ZCCHC2: variants seen among roughly 807,000 people sequenced by gnomAD.
ZCCHC2 encodes zinc finger CCHC-type containing 2.
ZCCHC2 carries 39 observed loss-of-function variants against 103.6 expected under a neutral mutation model. The ratio of observed to expected loss-of-function variants is 0.38; its 90% CI spans 0.29 to 0.49. The LOEUF is 0.49. Ranked by LOEUF, ZCCHC2 falls within the 20% of genes least tolerant of loss-of-function variation. The pLI, the probability that ZCCHC2 is intolerant of heterozygous loss-of-function variation, is 0.96. For missense variants in ZCCHC2, 1,483 were observed against 1,491.0 expected (o/e 0.99, Z 0.09); for synonymous variants, 687 against 608.9 (o/e 1.13, Z -1.89).
chr18:62,525,473 G>A (rs981824090), intron 1 of ZCCHC2: 2 of 151,956 alleles, frequency 1.3e-5, no homozygotes, highest in African/African-American at 4.8e-5. Context: ...ATGGAAAAGG[G>A]GATTTTCTCC....
intron 11 of ZCCHC2, 30 bp from the exon 12 acceptor site, chr18:62,570,073 G>A: frequency 6.5e-7 from 1 of 1,540,874 alleles, no homozygotes; most frequent in Non-Finnish European, 8.7e-7. Flanking sequence ...GACTTAACAT[G>A]ATTTTTTAAA....
At chr18:62,580,150 C>G (rs1917004248), downstream of ZCCHC2, among the ~76,000 whole-genome samples, 1 of 152,186 alleles carries the variant, frequency 6.6e-6, no homozygotes, top group South Asian at 2.1e-4. Flanking sequence ...GTGCCTGGCT[C>G]TGTTCATCTG....
At chr18:62,539,489 A>G (rs139241555) in intron 1 of ZCCHC2, 192 bp from the exon 2 acceptor site, 62 of 488,042 alleles carry the variant, frequency 1.3e-4, no homozygotes, top group African/African-American at 8.4e-4. Context: ...AGGACAGTCA[A>G]TAATTAATAG....
At position 62,576,878 on chromosome 18, in the gene ZCCHC2, T is replaced by C. The variant is rs1221253725; in HGVS notation, c.*299T>C. 3.9e-6 allele frequency: 1 copy of C among 254,446 alleles called. No homozygotes were observed. Among genetic ancestry groups the C allele is most frequent in the Non-Finnish European group, 7.6e-6 (1 of 131,462 alleles). The allele number at this position is 254,446 out of a possible 1,614,324, so 15.8% of individuals were successfully genotyped here. On this transcript the variant is annotated 3_prime_UTR_variant, in exon 14 of 14. Coordinates refer to ENST00000269499, the MANE Select transcript of ZCCHC2 (RefSeq NM_017742.6). Reference sequence around the variant, plus strand: ...TTTTTTTTACACTGAATACTTGCTGTGTGCAATGTTTACTGAATCTTTAAA... The same window carrying C: ...TTTTTTTTACACTGAATACTTGCTGCGTGCAATGTTTACTGAATCTTTAAA...
downstream of ZCCHC2, among the ~76,000 whole-genome samples, chr18:62,580,637 ACGG>A (rs1285193239): frequency 5.4e-4 from 2 of 3,708 alleles, no homozygotes; most frequent in Admixed American, 4.8e-3. Flanking sequence ...CCCTCCCGAG[ACGG>A]TGTCACAGTG....
In ZCCHC2 at chr18:62,576,663, T is replaced by A; in HGVS notation, c.*84T>A. The A allele has an allele frequency of 7.6e-7, 1 of 1,314,684 alleles. No homozygotes were observed. The highest frequency in any genetic ancestry group is 1.1e-6 in the Non-Finnish European group (1 of 933,866). The allele number at this position is 1,314,684 out of a possible 1,614,324, so 81.4% of individuals were successfully genotyped here. A position where few individuals can be genotyped will look rare whatever the true frequency, so the allele number is the denominator to read the frequency against. On this transcript the variant is annotated 3_prime_UTR_variant, in exon 14 of 14. Coordinates refer to ENST00000269499, the MANE Select transcript of ZCCHC2 (RefSeq NM_017742.6). ...GGGAGGAAAGGAAAGGTATTTTGTT[T>A]CTTTGTCTATACATTTCCTAGATTT...
At chr18:62,552,656 T>C (rs1915714057) in intron 5 of ZCCHC2, among the ~76,000 whole-genome samples, 1 of 152,078 alleles carries the variant, frequency 6.6e-6, no homozygotes, top group African/African-American at 2.4e-5. Flanking sequence ...CACAGCCCTT[T>C]GCGAGGCCAA....
chr18:62,582,376 C>G (rs1280793629), downstream of ZCCHC2, among the ~76,000 whole-genome samples: 1 of 152,212 alleles, frequency 6.6e-6, no homozygotes, highest in East Asian at 1.9e-4. Flanking sequence ...GAGAATTGCT[C>G]TTTTAAATTA....
intron 4 of ZCCHC2, among the ~76,000 whole-genome samples, chr18:62,545,937 T>A (rs1457913955): frequency 6.6e-6 from 1 of 152,228 alleles, no homozygotes; most frequent in African/African-American, 2.4e-5. Flanking sequence ...TGAGGAAGAC[T>A]GTCAAAGTGT....
intron 4 of ZCCHC2, among the ~76,000 whole-genome samples, chr18:62,549,144 G>T (rs376710912): frequency 6.6e-6 from 1 of 151,482 alleles, no homozygotes; most frequent in Non-Finnish European, 1.5e-5. Flanking sequence ...GTGTGAACCC[G>T]GGAGGTGGAG....
intron 1 of ZCCHC2, among the ~76,000 whole-genome samples, chr18:62,531,111 C>G (rs1224252556): frequency 6.6e-6 from 1 of 151,742 alleles, no homozygotes; most frequent in South Asian, 2.1e-4. Flanking sequence ...TCAAGGCAGA[C>G]TGAACTTATT....
chr18:62,560,748 G>T, intron 8 of ZCCHC2, 104 bp downstream of exon 8: 3 of 892,546 alleles, frequency 3.4e-6, no homozygotes, highest in Non-Finnish European at 3.3e-6. Flanking sequence ...CTGTCATTTT[G>T]CTATTTGCTT....
At chr18:62,567,625 A>G (rs1268792273) in intron 11 of ZCCHC2, among the ~76,000 whole-genome samples, 1 of 152,096 alleles carries the variant, frequency 6.6e-6, no homozygotes, top group Non-Finnish European at 1.5e-5. Context: ...GAAGAGGTGC[A>G]TATTACCTCA....
intron 1 of ZCCHC2, 72 bp downstream of exon 1, chr18:62,524,435 G>T (rs772760965): frequency 2.8e-6 from 4 of 1,424,042 alleles, no homozygotes; most frequent in South Asian, 1.5e-5. Context: ...CCTCGCTCTC[G>T]GACGCCCCTT....
At chr18:62,564,490 CATTTTAATGTTTATT>C in intron 9 of ZCCHC2, 66 bp from the exon 10 acceptor site, 1 of 1,027,078 alleles carries the variant, frequency 9.7e-7, no homozygotes, top group Admixed American at 3.2e-5. Context: ...GGGAATCTAT[CATTTTAATGTTTATT>C]ATGAGAGTAA....
chr18:62,537,452 T>A (rs2145493080), intron 1 of ZCCHC2, among the ~76,000 whole-genome samples: 1 of 152,338 alleles, frequency 6.6e-6, no homozygotes, highest in East Asian at 1.9e-4. Flanking sequence ...ATTGCAGGCG[T>A]GAGCTACCAC....
chr18:62,543,842 C>A (rs1406748034), intron 3 of ZCCHC2, among the ~76,000 whole-genome samples: 3 of 150,556 alleles, frequency 2.0e-5, no homozygotes, highest in Non-Finnish European at 4.4e-5. Context: ...ACTTAACTGT[C>A]TTGTCCATTT....
In ZCCHC2 at chr18:62,524,114, C is replaced by T; in HGVS notation, c.690C>T (p.Asp230=). The part of the protein sequence containing the change: ...ERGEDGDGEQ[D]AEKDGSGPEG... ...GCGAGGACGGCGACGGCGAGCAGGA[C>T]GCCGAGAAGGACGGCTCAGGCCCGG... The change falls in exon 1 of 14, where the codon GAC becomes GAT. Residue 230 remains aspartate, a synonymous_variant. Transcript: ENST00000269499. 2 of 1,526,076 alleles carry T rather than the reference C, an allele frequency of 1.3e-6. No homozygotes were observed. The highest frequency in any genetic ancestry group is 1.2e-5 in the South Asian group (1 of 82,608). 94.5% of individuals were successfully genotyped at this position (1,526,076 alleles called of 1,614,324 possible).
downstream of ZCCHC2, among the ~76,000 whole-genome samples, chr18:62,580,147 G>GCTCT (rs1917004168): frequency 6.6e-6 from 1 of 152,046 alleles, no homozygotes; most frequent in East Asian, 1.9e-4. Context: ...TCTGTGCCTG[G>GCTCT]CTCTGTTCAT....
Sources: allele counts gnomAD v4.1 joint callset (sites outside exome capture counted in the v4.1 genomes callset), GRCh38; gene constraint gnomAD v4.1.1; transcripts MANE v1.5; gene names NCBI Gene and HGNC (gene_info 2026-07-23, HGNC 2026-07-21).